Variants in SLC68A1 observed in about 807,000 individuals in gnomAD.
SLC68A1 encodes solute carrier family 68 member 1.
chr10:102,467,561 G>A, the SLC68A1 span, among the ~76,000 whole-genome samples: 1 of 152,338 alleles, frequency 6.6e-6, no homozygotes, highest in Non-Finnish European at 1.5e-5. Flanking sequence ...GGGGGTTCAA[G>A]GGCCTCAGGG....
chr10:102,468,250 C>G, the SLC68A1 span: 2 of 152,270 alleles, frequency 1.3e-5, no homozygotes, highest in South Asian at 4.1e-4. Context: ...TTATGATTTG[C>G]AAAATAGGCC....
the SLC68A1 span, chr10:102,474,129 C>T: frequency 5.6e-6 from 6 of 1,075,504 alleles, no homozygotes; most frequent in Non-Finnish European, 7.8e-6. Context: ...AACTGGCGTC[C>T]CCTCAACATG....
At chr10:102,476,177 C>T in the SLC68A1 span, 1 of 975,674 alleles carries the variant, frequency 1.0e-6, no homozygotes, top group African/African-American at 1.7e-5. Flanking sequence ...AAGCAATTAT[C>T]CTGCCTCAGC....
chr10:102,471,023 G>A, the SLC68A1 span: 1 of 1,613,576 alleles, frequency 6.2e-7, no homozygotes, highest in South Asian at 1.1e-5. Context: ...TGTCAGCTCT[G>A]GGCTGGGCTT....
the SLC68A1 span, chr10:102,476,714 G>A: frequency 6.1e-6 from 6 of 986,118 alleles, no homozygotes; most frequent in Non-Finnish European, 7.2e-6. Flanking sequence ...AGAGGACCAA[G>A]AAGGGAGGGG....
chr10:102,467,187 C>T, the SLC68A1 span, among the ~76,000 whole-genome samples: 39 of 152,224 alleles, frequency 2.6e-4, no homozygotes, highest in Non-Finnish European at 7.3e-5. Flanking sequence ...CAGGCGCCCG[C>T]CACCACGCCG....
the SLC68A1 span, chr10:102,476,871 G>C: frequency 5.1e-6 from 5 of 985,434 alleles, no homozygotes; most frequent in Non-Finnish European, 4.8e-6. Flanking sequence ...CTGACTGTAA[G>C]TCCCACCTCC....
the SLC68A1 span, chr10:102,475,716 T>C: frequency 6.3e-7 from 1 of 1,586,860 alleles, no homozygotes; most frequent in Non-Finnish European, 8.6e-7. Flanking sequence ...TGCTCTCTTG[T>C]CCTAGGTCAT....
chr10:102,474,360 A>G, the SLC68A1 span, among the ~76,000 whole-genome samples: 1 of 152,198 alleles, frequency 6.6e-6, no homozygotes, highest in Non-Finnish European at 1.5e-5. Context: ...AGACATTATC[A>G]GGCAGTAATA....
chr10:102,470,645 A>G, the SLC68A1 span: 1 of 1,600,190 alleles, frequency 6.2e-7, no homozygotes, highest in Non-Finnish European at 8.5e-7. Context: ...ATCTCCCAAC[A>G]ACTCTCCTTT....
At chr10:102,475,127 T>A in the SLC68A1 span, among the ~76,000 whole-genome samples, 1 of 151,886 alleles carries the variant, frequency 6.6e-6, no homozygotes, top group Admixed American at 6.6e-5. Flanking sequence ...AACCCCCGCC[T>A]CTACTAAAAA....
chr10:102,468,843 G>C, the SLC68A1 span: 1 of 581,936 alleles, frequency 1.7e-6, no homozygotes, highest in Non-Finnish European at 3.1e-6. Flanking sequence ...CAGCGCTGTT[G>C]TAAGTACAAA....
the SLC68A1 span, chr10:102,471,979 G>A: frequency 1.3e-5 from 6 of 455,376 alleles, no homozygotes; most frequent in Non-Finnish European, 2.2e-5. Context: ...TGCCCCCTTT[G>A]GGGACCCTCT....
chr10:102,475,344 T>C, the SLC68A1 span, among the ~76,000 whole-genome samples: 1 of 149,796 alleles, frequency 6.7e-6, no homozygotes, highest in Non-Finnish European at 1.5e-5. Context: ...CAGCAGATCA[T>C]AGGGAGGCCA....
chr10:102,462,097 A>C, the SLC68A1 span: 26,724 of 152,352 alleles, frequency 0.18, 2,925 homozygotes, highest in Middle Eastern at 0.28. Context: ...CCCCATCTCA[A>C]CAAGTTGAAA....
chr10:102,476,768 C>T, the SLC68A1 span: 7 of 985,880 alleles, frequency 7.1e-6, no homozygotes, highest in Non-Finnish European at 8.4e-6. Context: ...GCGTGGGAGC[C>T]CATCCCGCTG....
At chr10:102,472,652 A>T in the SLC68A1 span, among the ~76,000 whole-genome samples, 2 of 152,166 alleles carry the variant, frequency 1.3e-5, no homozygotes, top group Non-Finnish European at 2.9e-5. Context: ...ACTTTTTAGC[A>T]AAGTTAGATA....
chr10:102,475,930 G>C, the SLC68A1 span: 5 of 1,613,438 alleles, frequency 3.1e-6, no homozygotes, highest in Non-Finnish European at 3.4e-6. Flanking sequence ...ACATGGTCAA[G>C]GCCCAGCGCC....
At chr10:102,476,317 C>G in the SLC68A1 span, 1 of 278,744 alleles carries the variant, frequency 3.6e-6, no homozygotes, top group Non-Finnish European at 5.7e-6. Context: ...ATCAGCCCGC[C>G]TCGGCCTCCC....
Sources: gnomAD v4.1 joint callset for allele counts (sites outside exome capture counted in the v4.1 genomes callset) on GRCh38, gnomAD v4.1.1 for gene constraint, MANE v1.5 for transcripts, NCBI Gene and HGNC (gene_info 2026-07-23, HGNC 2026-07-21) for gene names.